Variants in KIF16B observed in about 807,000 individuals in gnomAD.
The protein encoded by KIF16B is kinesin-like protein KIF16B.
KIF16B carries 98 observed loss-of-function variants against 156.3 expected under a neutral mutation model. The ratio of observed to expected loss-of-function variants is 0.63; its 90% CI spans 0.53 to 0.74. The LOEUF is 0.74. Ranked by LOEUF, KIF16B falls within the 30% of genes least tolerant of loss-of-function variation. KIF16B has a pLI of 0.00. For synonymous variants in KIF16B, 564 were observed against 583.7 expected, an observed-to-expected ratio of 0.97 and a Z score of 0.49; for missense variants, 1,421 against 1,606.5, an observed-to-expected ratio of 0.88 and a Z score of 1.97.
chr20:16,282,020 CTTTTTCTGTTTCT>C (rs1254228726), intron 25 of KIF16B, among the ~76,000 whole-genome samples: 1 of 145,028 alleles, frequency 6.9e-6, no homozygotes, highest in Non-Finnish European at 1.5e-5. Flanking sequence ...TCTTTTTTTT[CTTTTTCTGTTTCT>C]TTTTTTTTTT....
At chr20:16,438,618 G>A (rs1008715537) in intron 12 of KIF16B, among the ~76,000 whole-genome samples, 1 of 152,070 alleles carries the variant, frequency 6.6e-6, no homozygotes, top group Non-Finnish European at 1.5e-5. Context: ...TAACAAAGGA[G>A]AAACAGTCAC....
chr20:16,361,880 T>C (rs2064558597), intron 22 of KIF16B, among the ~76,000 whole-genome samples: 1 of 152,216 alleles, frequency 6.6e-6, no homozygotes, highest in South Asian at 2.1e-4. Flanking sequence ...AAATATTGAA[T>C]ATTGGATGAA....
At chr20:16,332,345 G>A (rs1214130278) in intron 24 of KIF16B, among the ~76,000 whole-genome samples, 2 of 152,072 alleles carry the variant, frequency 1.3e-5, no homozygotes, top group Non-Finnish European at 2.9e-5. Flanking sequence ...CCTGGCCCAC[G>A]GTCAGCACCT....
chr20:16,472,472 T>C (rs1376791007), intron 12 of KIF16B, among the ~76,000 whole-genome samples: 1 of 146,902 alleles, frequency 6.8e-6, no homozygotes, highest in African/African-American at 2.5e-5. Context: ...CTACACTGGG[T>C]AGGAGCAGGG....
chr20:16,480,394 A>G (rs1447177608), intron 12 of KIF16B, among the ~76,000 whole-genome samples: 1 of 152,192 alleles, frequency 6.6e-6, no homozygotes, highest in Non-Finnish European at 1.5e-5. Context: ...CCCACTTGTG[A>G]TTGAAAAAAC....
intron 1 of KIF16B, among the ~76,000 whole-genome samples, chr20:16,543,128 C>T (rs1051613455): frequency 2.0e-4 from 30 of 152,174 alleles, no homozygotes; most frequent in African/African-American, 5.5e-4. Context: ...TGATGGTCAA[C>T]TGGGTTTGGG....
At chr20:16,401,597 A>C (rs192040285) in intron 17 of KIF16B, among the ~76,000 whole-genome samples, 1 of 152,364 alleles carries the variant, frequency 6.6e-6, no homozygotes, top group South Asian at 2.1e-4. Context: ...ACAGAAAAGA[A>C]TAACACAAGG....
chr20:16,548,592 A>T (rs2070505575), intron 1 of KIF16B, among the ~76,000 whole-genome samples: 1 of 152,310 alleles, frequency 6.6e-6, no homozygotes, highest in African/African-American at 2.4e-5. Context: ...CCTCCTTATT[A>T]GAATCTAACT....
intron 17 of KIF16B, among the ~76,000 whole-genome samples, chr20:16,403,796 G>T (rs2065715187): frequency 6.6e-6 from 1 of 152,144 alleles, no homozygotes; most frequent in African/African-American, 2.4e-5. Flanking sequence ...CACTGGCTTG[G>T]GCTGAAGGAG....
intron 25 of KIF16B, among the ~76,000 whole-genome samples, chr20:16,288,945 A>C (rs2063272097): frequency 7.4e-6 from 1 of 134,688 alleles, no homozygotes; most frequent in African/African-American, 2.8e-5. Context: ...TGTTCTTAGT[A>C]AGTACATACT....
At chr20:16,472,860 CGTTT>C (rs2067703488) in intron 12 of KIF16B, among the ~76,000 whole-genome samples, 1 of 152,094 alleles carries the variant, frequency 6.6e-6, no homozygotes. Context: ...AAGAGCATAC[CGTTT>C]GTTTTGAGTT....
At chr20:16,328,307 G>A (rs1348731891) in intron 24 of KIF16B, among the ~76,000 whole-genome samples, 2 of 152,108 alleles carry the variant, frequency 1.3e-5, no homozygotes, top group Non-Finnish European at 2.9e-5. Flanking sequence ...CTAGGGATGT[G>A]GCTGATTGAG....
intron 15 of KIF16B, among the ~76,000 whole-genome samples, chr20:16,411,121 A>T (rs184836704): frequency 7.2e-4 from 109 of 152,148 alleles, no homozygotes; most frequent in Non-Finnish European, 1.4e-3. Flanking sequence ...CTGTTCCTAA[A>T]TGTCTGCAAC....
chr20:16,367,716 T>C, intron 22 of KIF16B: 1 of 1,612,470 alleles, frequency 6.2e-7, no homozygotes, highest in African/African-American at 1.3e-5. Flanking sequence ...CAGGGATTTC[T>C]GTTTTCCAAT....
chr20:16,421,601 T>C (rs1455664194), intron 15 of KIF16B, among the ~76,000 whole-genome samples: 1 of 152,162 alleles, frequency 6.6e-6, no homozygotes, highest in Non-Finnish European at 1.5e-5. Flanking sequence ...TGAAGGACTA[T>C]AGACTTTTTT....
chr20:16,385,015 G>A (rs1029404614), intron 17 of KIF16B, among the ~76,000 whole-genome samples: 2 of 152,068 alleles, frequency 1.3e-5, no homozygotes, highest in East Asian at 1.9e-4. Context: ...TGGCCAACAC[G>A]GTGAAACCCC....
intron 1 of KIF16B, among the ~76,000 whole-genome samples, chr20:16,539,720 A>G (rs1455002863): frequency 1.3e-5 from 2 of 152,230 alleles, no homozygotes; most frequent in Non-Finnish European, 2.9e-5. Context: ...TAAATTACCC[A>G]GTCTCAGGTA....
At chr20:16,274,897 G>T (rs2063038042) in intron 25 of KIF16B, among the ~76,000 whole-genome samples, 1 of 152,172 alleles carries the variant, frequency 6.6e-6, no homozygotes, top group African/African-American at 2.4e-5. Context: ...CCTTCTGAAA[G>T]AAGACATTCT....
intron 23 of KIF16B, among the ~76,000 whole-genome samples, chr20:16,340,787 C>T (rs1364709533): frequency 1.3e-5 from 2 of 152,174 alleles, no homozygotes; most frequent in African/African-American, 4.8e-5. Context: ...TATCATTCTT[C>T]TTTCCCACAG....
Sources: gnomAD v4.1 joint callset for allele counts (sites outside exome capture counted in the v4.1 genomes callset) on GRCh38, gnomAD v4.1.1 for gene constraint, MANE v1.5 for transcripts, NCBI Gene and HGNC (gene_info 2026-07-23, HGNC 2026-07-21) for gene names.